ENO4: variants seen among roughly 807,000 people sequenced by gnomAD.
ENO4 encodes the protein 2-phospho-D-glycerate hydro-lyase.
Under a neutral mutation model 63.2 loss-of-function variants are expected in ENO4, and 53 were observed. That is an observed-to-expected ratio of 0.84 (90% CI 0.67 to 1.05). The LOEUF is 1.05. ENO4 is among the 50% of genes least tolerant of loss of function. ENO4 has a pLI of 0.00. For synonymous variants in ENO4, 266 were observed against 283.8 expected, an observed-to-expected ratio of 0.94 and a Z score of 0.63; for missense variants, 719 against 772.0, an observed-to-expected ratio of 0.93 and a Z score of 0.81.
intron 1 of ENO4, among the ~76,000 whole-genome samples, chr10:116,852,034 C>G (rs573341937): frequency 6.6e-6 from 1 of 152,020 alleles, no homozygotes; most frequent in African/African-American, 2.4e-5. Context: ...GGGGAGGGAC[C>G]GGGTGGGAGG....
intron 9 of ENO4, 135 bp from the exon 10 acceptor site, chr10:116,873,941 G>C: frequency 7.5e-7 from 1 of 1,331,634 alleles, no homozygotes; most frequent in South Asian, 2.1e-5. Context: ...AGATTTCTCA[G>C]GTCAACGTGC....
At chr10:116,880,081 G>C (rs1589766889) in intron 13 of ENO4, 95 bp downstream of exon 13, 1 of 935,120 alleles carries the variant, frequency 1.1e-6, no homozygotes, top group East Asian at 2.7e-5. Flanking sequence ...CAGGAGGGCA[G>C]GGGAATCCAA....
At chr10:116,892,350 C>T (rs1312209186) in intron 10 of ENO4, among the ~76,000 whole-genome samples, 3 of 152,194 alleles carry the variant, frequency 2.0e-5, no homozygotes, top group African/African-American at 4.8e-5. Context: ...GCGTGAACTA[C>T]GATTTCAGCT....
Position 116,869,000 on chromosome 10 carries a change from T to C in ENO4, c.1047+294T>C, listed in dbSNP as rs1005896909. 2.0e-5 allele frequency among the ~76,000 whole-genome samples: 3 copies of C among 152,180 alleles called. No individual in the cohort carries two copies. In the East Asian group the frequency reaches 5.8e-4, roughly 29 times the overall value. The stretch of plus-strand genomic sequence containing the variant: ...CACTGGACCCTATAGGGGAAGTGTT[T>C]GGGAAGTCGAATCTCTCTGACAACT... On this transcript the variant is annotated intron_variant, in intron 8 of 13. Transcript: ENST00000341276.
intron 10 of ENO4, among the ~76,000 whole-genome samples, chr10:116,907,601 C>T (rs929604795): frequency 1.3e-5 from 2 of 152,108 alleles, no homozygotes; most frequent in South Asian, 2.1e-4. Context: ...CACTGGGTGA[C>T]GTATTTCTCA....
intron 10 of ENO4, among the ~76,000 whole-genome samples, chr10:116,887,848 A>G (rs1431623378): frequency 6.6e-6 from 1 of 152,186 alleles, no homozygotes; most frequent in African/African-American, 2.4e-5. Context: ...GGGAGAAATC[A>G]AGGTTTGGGT....
chr10:116,865,456 A>C (rs1268298308), intron 7 of ENO4, among the ~76,000 whole-genome samples: 2 of 152,190 alleles, frequency 1.3e-5, no homozygotes, highest in Non-Finnish European at 2.9e-5. Context: ...AAGTGCTGGG[A>C]TTACAAGTGT....
intron 10 of ENO4, among the ~76,000 whole-genome samples, chr10:116,891,672 G>A (rs1847346521): frequency 6.6e-6 from 1 of 152,088 alleles, no homozygotes; most frequent in African/African-American, 2.4e-5. Context: ...TACAGCAGAG[G>A]TAGTTTTGAT....
intron 7 of ENO4, among the ~76,000 whole-genome samples, chr10:116,865,428 G>A (rs759194247): frequency 3.3e-5 from 5 of 151,958 alleles, no homozygotes; most frequent in Admixed American, 6.6e-5. Context: ...CTTGTGATCC[G>A]CCCGCCTCGG....
At chr10:116,909,768 G>A (rs1452525633) in intron 10 of ENO4, among the ~76,000 whole-genome samples, 1 of 152,102 alleles carries the variant, frequency 6.6e-6, no homozygotes, top group Non-Finnish European at 1.5e-5. Flanking sequence ...TTAGCAGAAG[G>A]CCAAATCACT....
Position 116,860,850 on chromosome 10 carries a change from G to T in ENO4, c.691G>T (p.Val231Leu). 6.5e-7 allele frequency: 1 copy of T among 1,548,880 alleles called. No individual in the cohort carries two copies. Among genetic ancestry groups the T allele is most frequent in the Non-Finnish European group, 8.7e-7 (1 of 1,145,804 alleles). The change falls in exon 5 of 14, where the codon GTA becomes TTA. Residue 231 changes from valine (V) to leucine (L), a missense_variant. Coordinates refer to ENST00000341276, the MANE Select transcript of ENO4 (RefSeq NM_001242699.2). Reference protein sequence around the residue: ...PIAPAEPVEPVLSGSMAIGAV... With the variant: ...PIAPAEPVEPLLSGSMAIGAV... ...TGCGCCTGCAGAGCCTGTTGAGCCT[G>T]TACTCAGTGGCAGTATGGCCATAGG...
intron 13 of ENO4, among the ~76,000 whole-genome samples, 183 bp downstream of exon 13, chr10:116,880,169 T>TA (rs1846964771): frequency 6.6e-6 from 1 of 152,212 alleles, no homozygotes; most frequent in African/African-American, 2.4e-5. Context: ...ATCATCTATT[T>TA]ACCTGAATGT....
chr10:116,899,727 T>A (rs117092502), intron 10 of ENO4, among the ~76,000 whole-genome samples: 1 of 152,150 alleles, frequency 6.6e-6, no homozygotes, highest in Non-Finnish European at 1.5e-5. Context: ...GCAAAGACAG[T>A]TTTTAAAAGC....
Position 116,860,812 on chromosome 10 carries a change from C to T in ENO4, c.653C>T (p.Thr218Ile), listed in dbSNP as rs977209057. The change falls in exon 5 of 14, where the codon ACA becomes ATA. Residue 218 changes from threonine to isoleucine, a missense_variant. By Grantham distance (89) the Thr-to-Ile change is moderately conservative. Around this residue, in one of 3 missense-constraint regions of ENO4, gnomAD observed 544 missense variants for 583.6 expected, o/e 0.93. Coordinates refer to ENST00000341276, the MANE Select transcript of ENO4 (RefSeq NM_001242699.2). ...GQKPGRKDTI[T>I]EKPIAPAEPV... ...CCTCCAGGGAGGAAGGATACTATTA[C>T]AGAGAAACCTATTGCGCCTGCAGAG... The T allele has an allele frequency of 3.3e-6, 5 of 1,526,674 alleles. No individual in the cohort carries two copies. Among genetic ancestry groups the T allele is most frequent in the Non-Finnish European group, 4.4e-6 (5 of 1,131,622 alleles). The allele number at this position is 1,526,674 out of a possible 1,614,324, so 94.6% of individuals were successfully genotyped here.
At chr10:116,912,361 A>G (rs947934824), downstream of ENO4, among the ~76,000 whole-genome samples, 25 of 152,350 alleles carry the variant, frequency 1.6e-4, no homozygotes, top group African/African-American at 5.5e-4. Context: ...ACAAGAGGAC[A>G]GAGTCGAGAG....
At chr10:116,857,279 A>G (rs1846290553) in intron 3 of ENO4, among the ~76,000 whole-genome samples, 1 of 152,122 alleles carries the variant, frequency 6.6e-6, no homozygotes, top group Non-Finnish European at 1.5e-5. Flanking sequence ...AATCCAGAGG[A>G]TGCCTTTTTC....
intron 3 of ENO4, among the ~76,000 whole-genome samples, chr10:116,858,758 C>T (rs1214594888): frequency 6.6e-6 from 1 of 152,090 alleles, no homozygotes; most frequent in African/African-American, 2.4e-5. Context: ...AAAATGAGCA[C>T]CTGAAATCTT....
intron 1 of ENO4, among the ~76,000 whole-genome samples, chr10:116,854,940 C>CAAAAAAAAAAAAAAAAAAAAAA (rs71013620): frequency 4.8e-5 from 2 of 41,520 alleles, no homozygotes; most frequent in African/African-American, 1.2e-4. Flanking sequence ...GACCCTGTCT[C>CAAAAAAAAAAAAAAAAAAAAAA]AAAAAAAAAA....
chr10:116,859,213 T>C (rs2133252957), intron 4 of ENO4, 75 bp downstream of exon 4: 1 of 1,420,606 alleles, frequency 7.0e-7, no homozygotes, highest in Non-Finnish European at 9.2e-7. Flanking sequence ...CTGGACTGCC[T>C]TTCTGAGTCT....
Sources: allele counts gnomAD v4.1 joint callset (sites outside exome capture counted in the v4.1 genomes callset), GRCh38; gene constraint gnomAD v4.1.1; regional missense constraint gnomAD v4.1.1; transcripts MANE v1.5; gene names NCBI Gene and HGNC (gene_info 2026-07-23, HGNC 2026-07-21).